Variants in OR6C75 observed in about 807,000 individuals in gnomAD.
OR6C75 encodes olfactory receptor 6C75.
For missense variants in OR6C75, 380 were observed against 368.0 expected, an observed-to-expected ratio of 1.03 and a Z score of -0.27; for synonymous variants, 149 against 130.6, an observed-to-expected ratio of 1.14 and a Z score of -0.96.
In OR6C75 at chr12:55,364,934, G is replaced by A. The variant is rs1316556485; in HGVS notation, c.-177G>A. On this transcript the variant is annotated 5_prime_UTR_variant, in exon 3 of 3. Coordinates refer to ENST00000641576, the MANE Select transcript of OR6C75 (RefSeq NM_001005497.2). ...AATGTTATCCAGCCTCATAAAAGAA[G>A]GAGATACTGCCACACTGCCATTTGT... 1.7e-6 allele frequency: 1 copy of A among 579,184 alleles called. No individual in the cohort carries two copies. The highest frequency in any genetic ancestry group is 3.0e-6 in the Non-Finnish European group (1 of 332,228). The allele number at this position is 579,184 out of a possible 1,614,324, so 35.9% of individuals were successfully genotyped here. A position where few individuals can be genotyped will look rare whatever the true frequency, so the allele number is the denominator to read the frequency against.
Position 55,368,835 on chromosome 12 carries a change from C to T in OR6C75, c.*2786C>T, listed in dbSNP as rs1869862003. On this transcript the variant is annotated 3_prime_UTR_variant, in exon 3 of 3. Transcript: ENST00000641576. ...GATGTGAGCGTCCTTCAGCACTTGT[C>T]TATTTCTTACCATTGTGTTTTATGG... 1 of 151,976 alleles carries T rather than the reference C, an allele frequency of 6.6e-6. No homozygotes were observed. The highest frequency in any genetic ancestry group is 1.5e-5 in the Non-Finnish European group (1 of 67,972). The allele number at this position is 151,976 out of a possible 1,614,324, so 9.4% of individuals were successfully genotyped here.
chr12:55,365,325 C>T lies in OR6C75; in HGVS notation c.215C>T (p.Thr72Met), dbSNP rs147300341. 8.7e-6 allele frequency: 14 copies of T among 1,614,014 alleles called. No individual in the cohort carries two copies. The highest frequency in any genetic ancestry group is 8.0e-5 in the African/African-American group (6 of 75,038). Reference sequence around the variant, plus strand: ...TTCTCATTCCTGGAAATTTCATTCACGTCTGTCTGCATTCCCAGATTCCTT... The same window carrying T: ...TTCTCATTCCTGGAAATTTCATTCATGTCTGTCTGCATTCCCAGATTCCTT... ...RNFSFLEISF[T>M]SVCIPRFLVT... is the part of the protein sequence containing the mutation. The change falls in exon 3 of 3, where the codon ACG becomes ATG. Residue 72 changes from threonine to methionine, a missense_variant. Coordinates refer to ENST00000641576, the MANE Select transcript of OR6C75 (RefSeq NM_001005497.2).
Position 55,365,844 on chromosome 12 carries a change from T to C in OR6C75, c.734T>C (p.Val245Ala). ...TCCACTTGCTCCTCCCATATGATAG[T>C]TGTCTCCATCTCTTACAGTAGCTGT... ...AFSTCSSHMI[V>A]VSISYSSCIF... is the part of the protein sequence containing the mutation. The change falls in exon 3 of 3, where the codon GTT becomes GCT. Residue 245 changes from valine (V) to alanine (A), a missense_variant. Transcript: ENST00000641576. The C allele has an allele frequency of 6.2e-7, 1 of 1,613,876 alleles. No homozygotes were observed. The highest frequency in any genetic ancestry group is 2.2e-5 in the East Asian group (1 of 44,870).
At position 55,367,412 on chromosome 12, in the gene OR6C75, C is replaced by T. The variant is rs1869829915; in HGVS notation, c.*1363C>T. 6.6e-6 allele frequency: 1 copy of T among 152,146 alleles called. No homozygotes were observed. Among genetic ancestry groups the T allele is most frequent in the Admixed American group, 6.6e-5 (1 of 15,260 alleles). 9.4% of individuals were successfully genotyped at this position (152,146 alleles called of 1,614,324 possible). A position where few individuals can be genotyped will look rare whatever the true frequency, so the allele number is the denominator to read the frequency against. ...CTAAAAACAAAAACCATATGATCAT[C>T]TCAATAGACACAGAAAAAATAGTCA... On this transcript the variant is annotated 3_prime_UTR_variant, in exon 3 of 3. Coordinates refer to ENST00000641576, the MANE Select transcript of OR6C75 (RefSeq NM_001005497.2).
intron 2 of OR6C75, among the ~76,000 whole-genome samples, chr12:55,364,260 G>A (rs1869736570): frequency 7.1e-6 from 1 of 140,818 alleles, no homozygotes; most frequent in Non-Finnish European, 1.5e-5. Context: ...TTACAGGCAT[G>A]AGTCATTGTG....
Position 55,365,796 on chromosome 12 carries a change from T to A in OR6C75, c.686T>A (p.Met229Lys). The change falls in exon 3 of 3, where the codon ATG becomes AAG. Residue 229 changes from methionine (M) to lysine (K), a missense_variant. Transcript: ENST00000641576. Reference sequence around the variant, plus strand: ...CGGACAATTCTGAAAATTCCTTCTATGAGTCAAAGGAAAAAAGCCTTTTCC... The same window carrying A: ...CGGACAATTCTGAAAATTCCTTCTAAGAGTCAAAGGAAAAAAGCCTTTTCC... ...IIRTILKIPS[M>K]SQRKKAFSTC... 1 of 1,613,950 alleles carries A rather than the reference T, an allele frequency of 6.2e-7. No individual in the cohort carries two copies. The highest frequency in any genetic ancestry group is 8.5e-7 in the Non-Finnish European group (1 of 1,179,964).
At position 55,365,762 on chromosome 12, in the gene OR6C75, A is replaced by G. The variant is rs753120655; in HGVS notation, c.652A>G (p.Asn218Asp). The change falls in exon 3 of 3, where the codon AAC (asparagine) becomes GAC (aspartate). Residue 218 changes from asparagine to aspartate, a missense_variant. Physicochemically the swap from Asn to Asp is conservative, Grantham distance 23 (BLOSUM62 1). Transcript: ENST00000641576. Reference protein sequence around the residue: ...TLTLVILSYTNIIRTILKIPS... With the variant: ...TLTLVILSYTDIIRTILKIPS... ...GACATTAGTTATTCTCTCCTACACA[A>G]ACATCATCCGGACAATTCTGAAAAT... is the stretch of plus-strand genomic sequence containing the variant. 4 of 1,614,064 alleles carry G rather than the reference A, an allele frequency of 2.5e-6. No homozygotes were observed. Among genetic ancestry groups the G allele is most frequent in the East Asian group, 2.2e-5 (1 of 44,872 alleles).
In OR6C75 at chr12:55,365,202, T is replaced by A; in HGVS notation, c.92T>A (p.Val31Asp). ...WQVVLFIFLL[V>D]TYMLSVTGNL... ...GTTGTACTTTTCATATTTCTTCTTG[T>A]TACCTACATGTTAAGTGTGACTGGG... Residue 31 changes from valine (V) to aspartate (D), a missense_variant, in exon 3 of 3, where the codon GTT (valine) becomes GAT (aspartate). Val to Asp is a radical substitution (Grantham distance 152). Coordinates refer to ENST00000641576, the MANE Select transcript of OR6C75 (RefSeq NM_001005497.2). 6.2e-7 allele frequency: 1 copy of A among 1,612,944 alleles called. No individual in the cohort carries two copies. Among genetic ancestry groups the A allele is most frequent in the South Asian group, 1.1e-5 (1 of 90,768 alleles).
Position 55,369,010 on chromosome 12 carries a change from G to T in OR6C75, c.*2961G>T, listed in dbSNP as rs1426176816. On this transcript the variant is annotated 3_prime_UTR_variant, in exon 3 of 3. Coordinates refer to ENST00000641576, the MANE Select transcript of OR6C75 (RefSeq NM_001005497.2). Reference sequence around the variant, plus strand: ...GACATTGTAAGTTTGCTTTTATTAAGATTACAACAAGTAAGCAGAAATGCA... The same window carrying T: ...GACATTGTAAGTTTGCTTTTATTAATATTACAACAAGTAAGCAGAAATGCA... The T allele has an allele frequency of 6.6e-6, 1 of 151,968 alleles. No individual in the cohort carries two copies. Among genetic ancestry groups the T allele is most frequent in the Non-Finnish European group, 1.5e-5 (1 of 67,966 alleles). 9.4% of individuals were successfully genotyped at this position (151,968 alleles called of 1,614,324 possible).
At position 55,365,708 on chromosome 12, in the gene OR6C75, T is replaced by C; in HGVS notation, c.598T>C (p.Leu200=). Residue 200 remains leucine (L), a synonymous_variant, in exon 3 of 3, where the codon TTA becomes CTA. Transcript: ENST00000641576. The stretch of plus-strand genomic sequence containing the variant: ...CTTTCTAGAACTCATGGCATTTTTT[T>C]TAGCTGTGGTAACACTGATGGTCAC... The part of the protein sequence containing the change: ...THFLELMAFF[L]AVVTLMVTLT... The C allele has an allele frequency of 6.2e-7, 1 of 1,614,174 alleles. No individual in the cohort carries two copies.
At position 55,366,159 on chromosome 12, in the gene OR6C75, C is replaced by A; in HGVS notation, c.*110C>A. ...ACCTTATTTCACACTTTTAGTTAGA[C>A]ATAGTTACATATCATCAACACTTCT... On this transcript the variant is annotated 3_prime_UTR_variant, in exon 3 of 3. Coordinates refer to ENST00000641576, the MANE Select transcript of OR6C75 (RefSeq NM_001005497.2). 1.6e-6 allele frequency: 1 copy of A among 631,700 alleles called. No individual in the cohort carries two copies. Among genetic ancestry groups the A allele is most frequent in the Non-Finnish European group, 2.7e-6 (1 of 375,070 alleles). 39.1% of individuals were successfully genotyped at this position (631,700 alleles called of 1,614,324 possible).
chr12:55,365,196 T>C lies in OR6C75; in HGVS notation c.86T>C (p.Leu29Pro). ...TGGCAGGTTGTACTTTTCATATTTCTTCTTGTTACCTACATGTTAAGTGTG... is the reference window on the plus strand; with the variant it reads ...TGGCAGGTTGTACTTTTCATATTTCCTCTTGTTACCTACATGTTAAGTGTG... ...PQWQVVLFIFLLVTYMLSVTG... is the reference protein window; with the variant it reads ...PQWQVVLFIFPLVTYMLSVTG... Residue 29 changes from leucine (L) to proline (P), a missense_variant, in exon 3 of 3, where the codon CTT (leucine) becomes CCT (proline). Transcript: ENST00000641576. 1 of 1,613,114 alleles carries C rather than the reference T, an allele frequency of 6.2e-7. No homozygotes were observed.
At position 55,365,969 on chromosome 12, in the gene OR6C75, A is replaced by C. The variant is rs750713276; in HGVS notation, c.859A>C (p.Ile287Leu). 6.2e-7 allele frequency: 1 copy of C among 1,612,824 alleles called. No individual in the cohort carries two copies. The highest frequency in any genetic ancestry group is 8.5e-7 in the Non-Finnish European group (1 of 1,179,352). Residue 287 changes from isoleucine (I) to leucine (L), a missense_variant, in exon 3 of 3, where the codon ATA becomes CTA. By Grantham distance (5) the Ile-to-Leu change is conservative. Transcript: ENST00000641576. Reference protein sequence around the residue: ...TSVAPLLNPFIYTLRNKQVKQ... With the variant: ...TSVAPLLNPFLYTLRNKQVKQ... ...AGTGGCTCCTCTCTTGAATCCCTTCATATACACACTGAGAAATAAGCAAGT... is the reference window on the plus strand; with the variant it reads ...AGTGGCTCCTCTCTTGAATCCCTTCCTATACACACTGAGAAATAAGCAAGT...
Position 55,366,884 on chromosome 12 carries a change from G to A in OR6C75, c.*835G>A, listed in dbSNP as rs1234925596. On this transcript the variant is annotated 3_prime_UTR_variant, in exon 3 of 3. Coordinates refer to ENST00000641576, the MANE Select transcript of OR6C75 (RefSeq NM_001005497.2). ...TTTAACAGAGAACTTTTCTGTTTCTGCCAATATTTTAAAAGAAAAACCATG... is the reference window on the plus strand; with the variant it reads ...TTTAACAGAGAACTTTTCTGTTTCTACCAATATTTTAAAAGAAAAACCATG... 1 of 151,884 alleles carries A rather than the reference G, an allele frequency of 6.6e-6. No homozygotes were observed. The highest frequency in any genetic ancestry group is 1.5e-5 in the Non-Finnish European group (1 of 67,948). The allele number at this position is 151,884 out of a possible 1,614,324, so 9.4% of individuals were successfully genotyped here.
rs1869839277 is a variant in OR6C75, at chr12:55,367,887, CA to C, written c.*1840del. On this transcript the variant is annotated 3_prime_UTR_variant, in exon 3 of 3. Transcript: ENST00000641576. ...CAAGCTGAGAACCAAATAAAAAACG[CA>C]ATCTTGGCTGGGTGTGGTGGCTCAT... The C allele has an allele frequency of 6.6e-6, 1 of 152,094 alleles. No individual in the cohort carries two copies. Among genetic ancestry groups the C allele is most frequent in the African/African-American group, 2.4e-5 (1 of 41,424 alleles). 9.4% of individuals were successfully genotyped at this position (152,094 alleles called of 1,614,324 possible).
chr12:55,364,107 T>G (rs1869732368), intron 2 of OR6C75, among the ~76,000 whole-genome samples: 1 of 149,022 alleles, frequency 6.7e-6, no homozygotes, highest in South Asian at 2.1e-4. Flanking sequence ...GCCTCTGGAG[T>G]AGCTGGGACT....
chr12:55,363,354 C>A (rs1021642089), intron 1 of OR6C75, among the ~76,000 whole-genome samples: 1 of 151,870 alleles, frequency 6.6e-6, no homozygotes, highest in Non-Finnish European at 1.5e-5. Context: ...GCTTTAATAG[C>A]TTATATTTAT....
intron 2 of OR6C75, among the ~76,000 whole-genome samples, chr12:55,364,201 G>A (rs938594813): frequency 2.0e-5 from 3 of 150,034 alleles, no homozygotes; most frequent in South Asian, 2.1e-4. Flanking sequence ...GGCTGTTCTC[G>A]AACTGACCTC....
chr12:55,365,947 G>A lies in OR6C75; in HGVS notation c.837G>A (p.Val279=). 1.2e-6 allele frequency: 2 copies of A among 1,613,586 alleles called. No individual in the cohort carries two copies. Among genetic ancestry groups the A allele is most frequent in the Non-Finnish European group, 1.7e-6 (2 of 1,179,632 alleles). ...GAGTAGCTGTGCTCAATACCTCAGTGGCTCCTCTCTTGAATCCCTTCATAT... is the reference window on the plus strand; with the variant it reads ...GAGTAGCTGTGCTCAATACCTCAGTAGCTCCTCTCTTGAATCCCTTCATAT... ...SKGVAVLNTS[V]APLLNPFIYT... is the part of the protein sequence containing the mutation. The change falls in exon 3 of 3, where the codon GTG becomes GTA. Residue 279 remains valine, a synonymous_variant. Coordinates refer to ENST00000641576, the MANE Select transcript of OR6C75 (RefSeq NM_001005497.2).
Sources: gnomAD v4.1 joint callset for allele counts (sites outside exome capture counted in the v4.1 genomes callset) on GRCh38, gnomAD v4.1.1 for gene constraint, MANE v1.5 for transcripts, NCBI Gene and HGNC (gene_info 2026-07-23, HGNC 2026-07-21) for gene names.